The following PRDM10 variants were observed in gnomAD, a reference collection of about 807,000 sequenced individuals.
The protein encoded by PRDM10 is PR/SET domain 10.
In PRDM10, 65 loss-of-function variants were observed where a neutral mutation model predicts 133.1. The ratio of observed to expected loss-of-function variants is 0.49; its 90% CI spans 0.40 to 0.60. The LOEUF is 0.60. PRDM10 is among the 20% of genes least tolerant of loss of function. The probability of loss-of-function intolerance (pLI) is 0.00; values close to 1 mark genes in which losing one functional copy is unlikely to be tolerated. For synonymous variants in PRDM10, 582 were observed against 580.4 expected (o/e 1.00, Z -0.04); for missense variants, 1,137 against 1,507.1 (o/e 0.75, Z 4.07).
intron 1 of PRDM10, among the ~76,000 whole-genome samples, chr11:129,999,610 C>A (rs943190212): frequency 2.6e-5 from 4 of 152,082 alleles, no homozygotes; most frequent in Non-Finnish European, 5.9e-5. Flanking sequence ...TTAACAGTTT[C>A]TTTTTACCAG....
At position 129,918,831 on chromosome 11, in the gene PRDM10, G is replaced by C; in HGVS notation, c.2035-113C>G. 2 of 1,107,182 alleles carry C rather than the reference G, an allele frequency of 1.8e-6. No homozygotes were observed. Among genetic ancestry groups the C allele is most frequent in the South Asian group, 3.1e-5 (2 of 64,928 alleles). The allele number at this position is 1,107,182 out of a possible 1,614,324, so 68.6% of individuals were successfully genotyped here. On this transcript the variant is annotated intron_variant, in intron 13 of 20. Transcript: ENST00000360871. The surrounding 1 kb of genome is among the most constrained non-coding windows in gnomAD (Gnocchi z 5.3). ...TAGCAGTCACCACAAGCCTCCAAGA[G>C]ACATTTGAGTTGCTGGAACACTAGG...
chr11:129,949,155 A>G (rs1472536014), intron 4 of PRDM10, among the ~76,000 whole-genome samples: 1 of 152,168 alleles, frequency 6.6e-6, no homozygotes, highest in Non-Finnish European at 1.5e-5. Context: ...GCGTTTTCAC[A>G]TGAGTCCATC....
chr11:129,998,554 TCAC>T (rs1318351090), intron 1 of PRDM10, among the ~76,000 whole-genome samples: 1 of 152,214 alleles, frequency 6.6e-6, no homozygotes, highest in Non-Finnish European at 1.5e-5. Context: ...ATAATTGTTT[TCAC>T]CACATTTTAA....
Position 129,999,103 on chromosome 11 carries a change from G to A in PRDM10, c.-119+3619C>T, listed in dbSNP as rs150435174. Among the ~76,000 whole-genome samples the A allele has an allele frequency of 3.4e-3, 524 of 152,220 alleles. 9 individuals carry two copies. The highest frequency in any genetic ancestry group is 0.012 in the African/African-American group (494 of 41,540). On this transcript the variant is annotated intron_variant, in intron 1 of 20. Coordinates refer to ENST00000360871, the MANE Select transcript of PRDM10 (RefSeq NM_199437.2). ...CTCCCAGAGTACTGGGATTACAGGT[G>A]TGAGCCACCACACCCGGCTGTGTTA... is the stretch of plus-strand genomic sequence containing the variant.
intron 8 of PRDM10, among the ~76,000 whole-genome samples, chr11:129,936,030 T>G (rs1951018268): frequency 6.6e-6 from 1 of 152,164 alleles, no homozygotes; most frequent in Admixed American, 6.5e-5. Context: ...CAGCCTGACC[T>G]CATGGAAGGA....
chr11:129,927,843 A>T (rs1396805777), intron 11 of PRDM10, among the ~76,000 whole-genome samples: 2 of 152,154 alleles, frequency 1.3e-5, no homozygotes, highest in African/African-American at 4.8e-5. Context: ...TGTCTTCTGT[A>T]GCTCAGAGCC....
At chr11:129,983,252 A>G (rs1352408153) in intron 1 of PRDM10, among the ~76,000 whole-genome samples, 2 of 151,022 alleles carry the variant, frequency 1.3e-5, no homozygotes, top group Non-Finnish European at 2.9e-5. Context: ...GGCTGGGATT[A>G]CAAGCATGAG....
chr11:129,936,153 G>A (rs1330749089), intron 8 of PRDM10, among the ~76,000 whole-genome samples: 1 of 152,124 alleles, frequency 6.6e-6, no homozygotes, highest in Non-Finnish European at 1.5e-5. Flanking sequence ...GCTCGGGTGA[G>A]CTTCTATGGT....
At chr11:129,903,162 G>C (rs1482626616) in intron 20 of PRDM10, among the ~76,000 whole-genome samples, 1 of 151,934 alleles carries the variant, frequency 6.6e-6, no homozygotes, top group Non-Finnish European at 1.5e-5. Flanking sequence ...GCCGGGCGTG[G>C]TGGTACATGC....
intron 8 of PRDM10, 98 bp from the exon 9 acceptor site, chr11:129,935,316 C>A: frequency 1.2e-6 from 1 of 866,478 alleles, no homozygotes; most frequent in Non-Finnish European, 1.9e-6. Context: ...TTGCTGCAGC[C>A]CAAAGAGTTC....
At chr11:129,931,376 C>A in intron 10 of PRDM10, 118 bp from the exon 11 acceptor site, 1 of 1,365,568 alleles carries the variant, frequency 7.3e-7, no homozygotes, top group Non-Finnish European at 9.8e-7. Context: ...AAATATTCTC[C>A]CTCTGGGAAA....
chr11:129,905,606 C>A (rs200782752), intron 20 of PRDM10, 32 bp downstream of exon 20: 1 of 1,547,140 alleles, frequency 6.5e-7, no homozygotes, highest in South Asian at 1.1e-5. Flanking sequence ...ACAGGTTGGA[C>A]AGGAAAAACC....
chr11:129,987,736 C>A (rs564711485), intron 1 of PRDM10, among the ~76,000 whole-genome samples: 9 of 152,194 alleles, frequency 5.9e-5, no homozygotes, highest in Non-Finnish European at 1.2e-4. Context: ...TGTGGTGGCT[C>A]ACGCCTGTAA....
chr11:129,982,473 AT>A (rs1938170268), intron 1 of PRDM10, among the ~76,000 whole-genome samples: 1 of 152,026 alleles, frequency 6.6e-6, no homozygotes, highest in Non-Finnish European at 1.5e-5. Flanking sequence ...CAATTTAATT[AT>A]TTATGATGTA....
chr11:129,973,225 G>C (rs565150685), intron 1 of PRDM10, among the ~76,000 whole-genome samples: 1 of 152,288 alleles, frequency 6.6e-6, no homozygotes, highest in South Asian at 2.1e-4. Context: ...GCCCAAATTA[G>C]CAACCTGCTA....
chr11:129,981,230 A>T (rs1352429881), intron 1 of PRDM10, among the ~76,000 whole-genome samples: 5 of 152,146 alleles, frequency 3.3e-5, no homozygotes, highest in Non-Finnish European at 7.3e-5. Context: ...TGATGGTTGT[A>T]CATACCTATA....
intron 3 of PRDM10, among the ~76,000 whole-genome samples, chr11:129,956,840 T>A (rs1348097361): frequency 1.3e-5 from 2 of 152,208 alleles, no homozygotes; most frequent in Non-Finnish European, 2.9e-5. Context: ...CTTACCAAGA[T>A]GCTACTATAA....
At chr11:129,999,259 A>G (rs988216498) in intron 1 of PRDM10, among the ~76,000 whole-genome samples, 1 of 152,188 alleles carries the variant, frequency 6.6e-6, no homozygotes, top group African/African-American at 2.4e-5. Flanking sequence ...TAAGTCACGA[A>G]AAGTTCCCCT....
At position 129,902,501 on chromosome 11, in the gene PRDM10, A is replaced by G. The variant is rs370551285; in HGVS notation, c.3283T>C (p.Ser1095Pro). Reference sequence around the variant, plus strand: ...TCTTCCAATTCTGATTGACTTTCTGATAACACATAATGACCCTAGAGGAAG... The same window carrying G: ...TCTTCCAATTCTGATTGACTTTCTGGTAACACATAATGACCCTAGAGGAAG... Reference protein sequence around the residue: ...KAVTSGHYVLSESQSELEEKQ... With the variant: ...KAVTSGHYVLPESQSELEEKQ... The change falls in exon 21 of 21, where the codon TCA becomes CCA. Residue 1095 changes from serine (S) to proline (P), a missense_variant. By Grantham distance (74) the Ser-to-Pro change is moderately conservative (BLOSUM62 -1). Transcript: ENST00000360871. 6.2e-7 allele frequency: 1 copy of G among 1,614,078 alleles called. No individual in the cohort carries two copies. The highest frequency in any genetic ancestry group is 8.5e-7 in the Non-Finnish European group (1 of 1,179,934).
Sources: allele counts gnomAD v4.1 joint callset (sites outside exome capture counted in the v4.1 genomes callset), GRCh38; gene constraint gnomAD v4.1.1; non-coding constraint Gnocchi (gnomAD v3.1); transcripts MANE v1.5; gene names NCBI Gene and HGNC (gene_info 2026-07-23, HGNC 2026-07-21).